Variants in CDK8 observed in about 807,000 individuals in gnomAD.
CDK8 encodes the protein cyclin-dependent kinase 8.
Under a neutral mutation model 71.5 loss-of-function variants are expected in CDK8, and 29 were observed. The ratio of observed to expected loss-of-function variants is 0.41; its 90% CI spans 0.30 to 0.55. The LOEUF is 0.55. CDK8 is among the 20% of genes least tolerant of loss of function. The pLI, the probability that CDK8 is intolerant of heterozygous loss-of-function variation, is 0.37. For synonymous variants in CDK8, 161 were observed against 192.1 expected (o/e 0.84, Z 1.34); for missense variants, 288 against 572.6 (o/e 0.50, Z 5.07).
chr13:26,357,223 C>G lies in CDK8; in HGVS notation c.456+3343C>G, dbSNP rs544101609. 6.6e-5 allele frequency among the ~76,000 whole-genome samples: 10 copies of G among 152,170 alleles called. No individual in the cohort carries two copies. The East Asian group carries it at 1.9e-3, about 29-fold the overall frequency. On this transcript the variant is annotated intron_variant, in intron 4 of 12. Coordinates refer to ENST00000381527, the MANE Select transcript of CDK8 (RefSeq NM_001260.3). Reference sequence around the variant, plus strand: ...CAGATCAGTAGCTGAAATCCGGCATCCTTGGTGGGAAAATAGAGATTTATT... The same window carrying G: ...CAGATCAGTAGCTGAAATCCGGCATGCTTGGTGGGAAAATAGAGATTTATT...
intron 1 of CDK8, among the ~76,000 whole-genome samples, chr13:26,277,958 C>A (rs973914818): frequency 6.6e-6 from 1 of 152,104 alleles, no homozygotes; most frequent in South Asian, 2.1e-4. Flanking sequence ...TGTTTTGTGA[C>A]CCCCAAGTGT....
At chr13:26,369,162 C>T (rs1874531840) in intron 4 of CDK8, among the ~76,000 whole-genome samples, 1 of 151,726 alleles carries the variant, frequency 6.6e-6, no homozygotes, top group Non-Finnish European at 1.5e-5. Flanking sequence ...CCAGGGGCGG[C>T]AGCTCATGGC....
chr13:26,368,238 G>A (rs950633780), intron 4 of CDK8, among the ~76,000 whole-genome samples: 1 of 152,088 alleles, frequency 6.6e-6, no homozygotes, highest in Non-Finnish European at 1.5e-5. Flanking sequence ...TCTAATTCAG[G>A]CCACTTGGAT....
At chr13:26,323,671 T>C (rs184654383) in intron 1 of CDK8, among the ~76,000 whole-genome samples, 5 of 152,258 alleles carry the variant, frequency 3.3e-5, no homozygotes, top group Non-Finnish European at 5.9e-5. Flanking sequence ...CATGAAAATA[T>C]AGTTTTGAGT....
intron 3 of CDK8, among the ~76,000 whole-genome samples, chr13:26,351,437 A>C (rs1224107344): frequency 6.6e-6 from 1 of 152,154 alleles, no homozygotes; most frequent in Non-Finnish European, 1.5e-5. Context: ...CCAGTATTAA[A>C]TTGAACACTC....
intron 1 of CDK8, among the ~76,000 whole-genome samples, chr13:26,277,648 C>T (rs1872603848): frequency 6.6e-6 from 1 of 152,104 alleles, no homozygotes; most frequent in South Asian, 2.1e-4. Context: ...AGACTGTGAT[C>T]ATATAGGTAA....
In CDK8 at chr13:26,404,009, G is replaced by T. The variant is rs369358549; in HGVS notation, c.1323G>T (p.Pro441=). ...ACCCTGGACCAAGCACATCACAGCC[G>T]CAGAGCAGCATGGGATACTCAGCTA... is the stretch of plus-strand genomic sequence containing the variant. ...YPNPGPSTSQ[P]QSSMGYSATS... is the part of the protein sequence containing the mutation. Residue 441 remains proline (P), a synonymous_variant, in exon 13 of 13, where the codon CCG becomes CCT. Coordinates refer to ENST00000381527, the MANE Select transcript of CDK8 (RefSeq NM_001260.3). 9.3e-6 allele frequency: 15 copies of T among 1,613,654 alleles called. No individual in the cohort carries two copies. Among genetic ancestry groups the T allele is most frequent in the Non-Finnish European group, 1.7e-6 (2 of 1,179,966 alleles).
At chr13:26,402,010 A>G (rs998910) in intron 12 of CDK8, among the ~76,000 whole-genome samples, 10,169 of 152,294 alleles carry the variant, frequency 0.067, 439 homozygotes, top group Middle Eastern at 0.13. Flanking sequence ...TTTTGGAACA[A>G]TGTTTCACAG....
chr13:26,275,724 T>TC (rs1299871977), intron 1 of CDK8, among the ~76,000 whole-genome samples: 1 of 152,238 alleles, frequency 6.6e-6, no homozygotes, highest in Admixed American at 6.5e-5. Context: ...GTCGTAAACT[T>TC]TCTGCATTTC....
At chr13:26,294,152 G>C in intron 1 of CDK8, among the ~76,000 whole-genome samples, 1 of 150,880 alleles carries the variant, frequency 6.6e-6, no homozygotes, top group East Asian at 1.9e-4. Context: ...TTTCTTCAGA[G>C]GTGGGATCTT....
At chr13:26,322,987 T>G (rs1874850229) in intron 1 of CDK8, among the ~76,000 whole-genome samples, 1 of 152,218 alleles carries the variant, frequency 6.6e-6, no homozygotes, top group African/African-American at 2.4e-5. Flanking sequence ...TAGTTCCATT[T>G]AACTGGATGG....
chr13:26,368,074 A>T (rs1418707823), intron 4 of CDK8, among the ~76,000 whole-genome samples: 1 of 152,234 alleles, frequency 6.6e-6, no homozygotes, highest in Non-Finnish European at 1.5e-5. Flanking sequence ...CCAGATGGTC[A>T]TTGGGATTGC....
rs895228593 is a variant in CDK8 at position 26,382,003 on chromosome 13, G to A, written c.457-811G>A. On this transcript the variant is annotated intron_variant, in intron 4 of 12. Transcript: ENST00000381527. Reference sequence around the variant, plus strand: ...ACTGGTAGAATTCAAGTCAAATCAAGTAGATAGCAGGATAGTACAGTGAGT... The same window carrying A: ...ACTGGTAGAATTCAAGTCAAATCAAATAGATAGCAGGATAGTACAGTGAGT... Among the ~76,000 whole-genome samples, 11 of 152,110 alleles carry A rather than the reference G, an allele frequency of 7.2e-5. No individual in the cohort carries two copies. The South Asian group carries it at 1.5e-3, about 20-fold the overall frequency.
At chr13:26,369,247 C>A (rs1205452472) in intron 4 of CDK8, among the ~76,000 whole-genome samples, 3 of 151,074 alleles carry the variant, frequency 2.0e-5, no homozygotes, top group Non-Finnish European at 2.9e-5. Context: ...GAGTTCAAGA[C>A]CAGCCTGGAC....
rs1344822080 is a variant in CDK8, at chr13:26,401,149, T to C, written c.1032-120T>C. 2.6e-6 allele frequency: 2 copies of C among 762,934 alleles called. No individual in the cohort carries two copies. The highest frequency in any genetic ancestry group is 2.1e-6 in the Non-Finnish European group (1 of 465,210). The allele number at this position is 762,934 out of a possible 1,614,324, so 47.3% of individuals were successfully genotyped here. On this transcript the variant is annotated intron_variant, in intron 10 of 12. Coordinates refer to ENST00000381527, the MANE Select transcript of CDK8 (RefSeq NM_001260.3). This position sits in a 1 kb window ranked among gnomAD's most constrained non-coding sequence, Gnocchi z 4.5. ...TTGTCACAGTTACATGAAAGGTGCT[T>C]ATATTTGCAAATATGGAGACAAAGT...
intron 4 of CDK8, among the ~76,000 whole-genome samples, chr13:26,356,164 T>C (rs1030146636): frequency 1.3e-5 from 2 of 152,142 alleles, no homozygotes; most frequent in Non-Finnish European, 2.9e-5. Context: ...CCCCCTAATA[T>C]AGGCAACAAG....
rs1873402883 is a variant in CDK8, at chr13:26,293,595, CTG to C, written c.128+38828_128+38829del. Among the ~76,000 whole-genome samples, 3 of 65,612 alleles carry C rather than the reference CTG, an allele frequency of 4.6e-5. No individual in the cohort carries two copies. The Admixed American group carries it at 6.6e-4, about 14-fold the overall frequency. 43.0% of individuals were successfully genotyped at this position (65,612 alleles called of 152,430 possible). The stretch of plus-strand genomic sequence containing the variant: ...CTCCAGCCTGGGCAACATAGTGAGA[CTG>C]TCTCAAAAAAAAAAAAAAAAAAAAA... On this transcript the variant is annotated intron_variant, in intron 1 of 12. Coordinates refer to ENST00000381527, the MANE Select transcript of CDK8 (RefSeq NM_001260.3).
chr13:26,335,329 C>T (rs1872931793), intron 1 of CDK8, among the ~76,000 whole-genome samples: 1 of 152,178 alleles, frequency 6.6e-6, no homozygotes, highest in South Asian at 2.1e-4. Flanking sequence ...CAATTCTTAC[C>T]TCACTAGACC....
In CDK8 at chr13:26,349,054, A is replaced by G. The variant is rs757466056; in HGVS notation, c.205-18A>G. 7.2e-7 allele frequency: 1 copy of G among 1,397,944 alleles called. No homozygotes were observed. The highest frequency in any genetic ancestry group is 1.7e-5 in the Admixed American group (1 of 59,408). The allele number at this position is 1,397,944 out of a possible 1,614,324, so 86.6% of individuals were successfully genotyped here. ...TTTTTGTGACAGAAATAGTTAATGC[A>G]TCTCCTTTGTTTTGCAGTTACTTCG... On this transcript the variant is annotated intron_variant, in intron 2 of 12. Transcript: ENST00000381527.
Sources: allele counts gnomAD v4.1 joint callset (sites outside exome capture counted in the v4.1 genomes callset), GRCh38; gene constraint gnomAD v4.1.1; non-coding constraint Gnocchi (gnomAD v3.1); transcripts MANE v1.5; gene names NCBI Gene and HGNC (gene_info 2026-07-23, HGNC 2026-07-21).